The following CHRNA5 variants were observed in gnomAD, a reference collection of about 807,000 sequenced individuals.
The protein encoded by CHRNA5 is cholinergic receptor nicotinic alpha 5 subunit.
A neutral mutation model predicts 41.2 loss-of-function variants in CHRNA5; 28 were observed. That is an observed-to-expected ratio of 0.68 (90% CI 0.50 to 0.93). CHRNA5 has a LOEUF of 0.93. Among genes scored for constraint, CHRNA5 ranks in the 40% least tolerant of loss-of-function variants. The pLI, the probability that CHRNA5 is intolerant of heterozygous loss-of-function variation, is 0.00. For missense variants in CHRNA5, 481 were observed against 581.9 expected (o/e 0.83, Z 1.78); for synonymous variants, 188 against 205.8 (o/e 0.91, Z 0.74).
intron 1 of CHRNA5, among the ~76,000 whole-genome samples, chr15:78,567,532 T>C (rs554348678): frequency 1.2e-4 from 18 of 152,358 alleles, no homozygotes; most frequent in Non-Finnish European, 5.9e-5. Flanking sequence ...GATTAGTTCC[T>C]GCTTTCTGCC....
At position 78,570,621 on chromosome 15, in the gene CHRNA5, G is replaced by A. The variant is rs531055578; in HGVS notation, c.106+4796G>A. ...TTCATGCTCTTCTCTTCCAAAGTGT[G>A]ATTATAAAATATAGCCTTTTACCAG... On this transcript the variant is annotated intron_variant, in intron 1 of 5. Coordinates refer to ENST00000299565, the Ensembl canonical transcript of CHRNA5. Among the ~76,000 whole-genome samples, 18 of 151,842 alleles carry A rather than the reference G, an allele frequency of 1.2e-4. No individual in the cohort carries two copies. In the East Asian group the frequency reaches 3.5e-3, roughly 29 times the overall value.
chr15:78,592,511 T>A (rs1408518468), intron 5 of CHRNA5, among the ~76,000 whole-genome samples: 6 of 152,154 alleles, frequency 3.9e-5, no homozygotes, highest in African/African-American at 1.2e-4. Context: ...GGCTCATCCT[T>A]CTTTTTCCTT....
chr15:78,588,221 G>C lies in CHRNA5; in HGVS notation c.304-93G>C, dbSNP rs1233043270. On this transcript the variant is annotated intron_variant, in intron 3 of 5. Transcript: ENST00000299565. The surrounding 1 kb of genome is among the most constrained non-coding windows in gnomAD (Gnocchi z 4.1). ...CTATTGGGGGTAGAGATGATCTCATGTCTAAAATTTCTGGTGTGACAAAAA... is the reference window on the plus strand; with the variant it reads ...CTATTGGGGGTAGAGATGATCTCATCTCTAAAATTTCTGGTGTGACAAAAA... 6.3e-5 allele frequency: 39 copies of C among 616,186 alleles called. No individual in the cohort carries two copies. Among genetic ancestry groups the C allele is most frequent in the Non-Finnish European group, 1.1e-4 (38 of 350,684 alleles). The allele number at this position is 616,186 out of a possible 1,614,324, so 38.2% of individuals were successfully genotyped here. A position where few individuals can be genotyped will look rare whatever the true frequency, so the allele number is the denominator to read the frequency against.
At chr15:78,568,286 T>C (rs552971027) in intron 1 of CHRNA5, among the ~76,000 whole-genome samples, 9 of 152,128 alleles carry the variant, frequency 5.9e-5, no homozygotes, top group Non-Finnish European at 8.8e-5. Flanking sequence ...TAAAGTATAA[T>C]GAACTAGTAC....
intron 1 of CHRNA5, among the ~76,000 whole-genome samples, chr15:78,573,672 A>G (rs1236364977): frequency 1.3e-5 from 2 of 152,230 alleles, no homozygotes; most frequent in African/African-American, 4.8e-5. Flanking sequence ...GACTGCTAAT[A>G]TCCACATTTA....
exon 1 of CHRNA5, chr15:78,565,741 C>A: frequency 8.4e-7 from 1 of 1,194,312 alleles, no homozygotes; most frequent in Middle Eastern, 3.2e-4. Flanking sequence ...GGGGTCAGGG[C>A]CCCGCGCGCT....
At chr15:78,570,431 T>TTTTTTTTTTTTTTTTTTTTG (rs2052792459) in intron 1 of CHRNA5, among the ~76,000 whole-genome samples, 1 of 132,744 alleles carries the variant, frequency 7.5e-6, no homozygotes, top group Non-Finnish European at 1.6e-5. Flanking sequence ...GCTATTTTTT[T>TTTTTTTTTTTTTTTTTTTTG]TTTTTTTTTT....
At chr15:78,583,194 T>C (rs186241373) in intron 2 of CHRNA5, among the ~76,000 whole-genome samples, 4 of 152,280 alleles carry the variant, frequency 2.6e-5, no homozygotes, top group African/African-American at 7.2e-5. Context: ...AGAGACCTGA[T>C]AGGCAACAGA....
At chr15:78,570,247 C>T (rs942401647) in intron 1 of CHRNA5, among the ~76,000 whole-genome samples, 2 of 151,428 alleles carry the variant, frequency 1.3e-5, no homozygotes, top group African/African-American at 4.9e-5. Flanking sequence ...TATTGTTTGT[C>T]CTACTGTTTA....
exon 2 of CHRNA5, chr15:78,580,821 A>G: frequency 6.2e-7 from 1 of 1,612,132 alleles, no homozygotes; most frequent in Non-Finnish European, 8.5e-7. Context: ...GATTATCTGA[A>G]CCTTCTTCTA....
chr15:78,586,262 T>C (rs1289056799), intron 2 of CHRNA5, among the ~76,000 whole-genome samples: 1 of 152,240 alleles, frequency 6.6e-6, no homozygotes, highest in African/African-American at 2.4e-5. Context: ...TCATGATGTG[T>C]CTTATAATTC....
chr15:78,590,695 T>G (rs565162745), intron 5 of CHRNA5, 59 bp downstream of exon 5: 1 of 1,447,240 alleles, frequency 6.9e-7, no homozygotes, highest in Admixed American at 2.1e-5. Context: ...AGAAGTTACT[T>G]TCATTAATTT....
intron 1 of CHRNA5, among the ~76,000 whole-genome samples, chr15:78,571,443 T>C (rs2052804071): frequency 1.3e-5 from 2 of 152,200 alleles, no homozygotes; most frequent in Non-Finnish European, 2.9e-5. Context: ...GGCAACCTCA[T>C]GCACCATTAG....
intron 2 of CHRNA5, among the ~76,000 whole-genome samples, chr15:78,583,345 G>A (rs1013732209): frequency 6.6e-6 from 1 of 152,206 alleles, no homozygotes; most frequent in Non-Finnish European, 1.5e-5. Flanking sequence ...TGAATATGGA[G>A]GGAGGCATCA....
chr15:78,578,211 T>C (rs2052876415), intron 1 of CHRNA5, among the ~76,000 whole-genome samples: 1 of 152,178 alleles, frequency 6.6e-6, no homozygotes, highest in South Asian at 2.1e-4. Context: ...AAACTAAGTA[T>C]CTTAAACTAG....
intron 1 of CHRNA5, among the ~76,000 whole-genome samples, chr15:78,569,978 C>T (rs1467453977): frequency 6.6e-6 from 1 of 151,624 alleles, no homozygotes; most frequent in Non-Finnish European, 1.5e-5. Context: ...TGCCACCATG[C>T]CTGGCTAATT....
chr15:78,587,707 GT>G (rs1274557533), intron 3 of CHRNA5, among the ~76,000 whole-genome samples: 9 of 152,032 alleles, frequency 5.9e-5, no homozygotes, highest in African/African-American at 2.2e-4. Flanking sequence ...AAGGACTTTT[GT>G]TTTTTTCTGG....
Position 78,593,084 on chromosome 15 carries a change from C to T in CHRNA5, c.1246-8C>T, listed in dbSNP as rs779875936. On this transcript the variant is annotated splice_polypyrimidine_tract_variant and splice_region_variant and intron_variant, in intron 5 of 5. Transcript: ENST00000299565. ...TTATTTAATGCATTTTTATTTTTTT[C>T]CTAACAGGTTGTTGAAGATTGGAAA... 2 of 1,595,704 alleles carry T rather than the reference C, an allele frequency of 1.3e-6. No homozygotes were observed. Among genetic ancestry groups the T allele is most frequent in the Non-Finnish European group, 1.7e-6 (2 of 1,174,270 alleles).
At chr15:78,590,373 A>G (rs1250686051) in exon 5 of CHRNA5, 3 of 1,614,084 alleles carry the variant, frequency 1.9e-6, no homozygotes, top group Non-Finnish European at 2.5e-6. Flanking sequence ...GACACTGTCA[A>G]TTATGGTAAC....
Sources: allele counts gnomAD v4.1 joint callset (sites outside exome capture counted in the v4.1 genomes callset), GRCh38; gene constraint gnomAD v4.1.1; non-coding constraint Gnocchi (gnomAD v3.1); transcripts MANE v1.5; gene names NCBI Gene and HGNC (gene_info 2026-07-23, HGNC 2026-07-21).